The following DIAPH2 variants were observed in gnomAD, a reference collection of about 807,000 sequenced individuals.
DIAPH2 encodes diaphanous related formin 2.
In DIAPH2, 35 loss-of-function variants were observed where a neutral mutation model predicts 92.7. The ratio of observed to expected loss-of-function variants is 0.38; its 90% CI spans 0.29 to 0.50. The LOEUF (loss-of-function observed/expected upper bound fraction) is 0.50, where lower values mean the gene tolerates loss of function less well. Among genes scored for constraint, DIAPH2 ranks in the 20% least tolerant of loss-of-function variants. DIAPH2 has a pLI of 0.94. For missense variants in DIAPH2, 701 were observed against 819.5 expected (o/e 0.86, Z 1.77); for synonymous variants, 301 against 280.4 (o/e 1.07, Z -0.73).
chrX:97,242,026 G>A (rs1602443523), intron 22 of DIAPH2, among the ~76,000 whole-genome samples: 1 of 109,214 alleles, frequency 9.2e-6, no homozygotes, highest in East Asian at 2.9e-4. Flanking sequence ...CGCCCGCCTC[G>A]GCCTCCCAAA....
At chrX:96,786,937 G>A (rs922630230) in intron 4 of DIAPH2, among the ~76,000 whole-genome samples, 2 of 111,904 alleles carry the variant, frequency 1.8e-5, no homozygotes, top group Non-Finnish European at 1.9e-5. Context: ...TATGTACCGT[G>A]ATGTAAACCT....
intron 17 of DIAPH2, among the ~76,000 whole-genome samples, chrX:97,061,360 T>C (rs934446845): frequency 6.2e-5 from 7 of 112,162 alleles, no homozygotes; most frequent in African/African-American, 2.3e-4. Flanking sequence ...TTCTGGACTT[T>C]TATTAGATTG....
In DIAPH2 at chrX:97,137,155, A is replaced by C. The variant is rs189629970; in HGVS notation, c.2590-4510A>C. Among the ~76,000 whole-genome samples, 228 of 106,054 alleles carry C rather than the reference A, an allele frequency of 2.1e-3. 1 individual carries two copies. Among genetic ancestry groups the C allele is most frequent in the African/African-American group, 7.0e-3 (203 of 29,052 alleles). The allele number at this position is 106,054 out of a possible 115,157, so 92.1% of individuals were successfully genotyped here. A position where few individuals can be genotyped will look rare whatever the true frequency, so the allele number is the denominator to read the frequency against. On this transcript the variant is annotated intron_variant, in intron 21 of 26. Transcript: ENST00000324765. ...TACATTTCCTGAGTGACAAATTATA[A>C]CTTTATTCTGGCATTCACTTGCACC...
chrX:97,196,098 A>C (rs1379654027), intron 22 of DIAPH2, among the ~76,000 whole-genome samples: 1 of 111,672 alleles, frequency 9.0e-6, no homozygotes, highest in Non-Finnish European at 1.9e-5. Context: ...TATCTTCAGA[A>C]GCTACTAATT....
intron 17 of DIAPH2, among the ~76,000 whole-genome samples, chrX:96,979,193 G>A (rs937064200): frequency 8.0e-5 from 9 of 111,957 alleles, no homozygotes; most frequent in Admixed American, 3.8e-4. Context: ...GAAACATTTG[G>A]GAGTCATTTA....
intron 22 of DIAPH2, among the ~76,000 whole-genome samples, chrX:97,192,310 A>AG (rs756259895): frequency 6.8e-5 from 7 of 102,976 alleles, no homozygotes; most frequent in Non-Finnish European, 1.1e-4. Flanking sequence ...AAAAAAAAAA[A>AG]AAAAGAAAAG....
intron 5 of DIAPH2, among the ~76,000 whole-genome samples, chrX:96,908,596 T>TTTTG (rs1164351077): frequency 4.5e-5 from 5 of 110,978 alleles, no homozygotes; most frequent in East Asian, 2.8e-4. Flanking sequence ...GATTCCTTTT[T>TTTTG]TTTGTTTGTT....
chrX:97,334,020 C>T (rs889784006), intron 23 of DIAPH2, among the ~76,000 whole-genome samples: 1 of 111,534 alleles, frequency 9.0e-6, no homozygotes, highest in African/African-American at 3.3e-5. Flanking sequence ...TGTTACTCCT[C>T]TGATTAAAAA....
At chrX:96,856,586 T>A (rs200804705) in intron 4 of DIAPH2, among the ~76,000 whole-genome samples, 1 of 105,855 alleles carries the variant, frequency 9.4e-6, no homozygotes, top group Non-Finnish European at 1.9e-5. Flanking sequence ...TATATATATT[T>A]AAAAAAAAAG....
intron 26 of DIAPH2, among the ~76,000 whole-genome samples, chrX:97,487,155 TTACTC>T (rs1270210740): frequency 8.9e-6 from 1 of 112,473 alleles, no homozygotes; most frequent in Non-Finnish European, 1.9e-5. Flanking sequence ...TTTTCTCCAT[TTACTC>T]TATTCATTCA....
At chrX:97,053,994 T>C (rs1396439676) in intron 17 of DIAPH2, among the ~76,000 whole-genome samples, 3 of 111,918 alleles carry the variant, frequency 2.7e-5, no homozygotes, top group African/African-American at 9.7e-5. Flanking sequence ...AAAATCTGTC[T>C]TAGTTTTATC....
In DIAPH2 at chrX:97,297,076, C is replaced by CT. The variant is rs57145821; in HGVS notation, c.2844+49272dup. Reference sequence around the variant, plus strand: ...ACAGGTGTGAGCCACCAGGCCTGGCCTTTTTTTTTTTTTTTTTTTTTTTTT... The same window carrying CT: ...ACAGGTGTGAGCCACCAGGCCTGGCCTTTTTTTTTTTTTTTTTTTTTTTTTT... On this transcript the variant is annotated intron_variant, in intron 23 of 26. Transcript: ENST00000324765. Among the ~76,000 whole-genome samples, 80 of 20,733 alleles carry CT rather than the reference C, an allele frequency of 3.9e-3. 1 individual carries two copies. The highest frequency in any genetic ancestry group is 0.014 in the African/African-American group (75 of 5,243). The allele number at this position is 20,733 out of a possible 115,157, so 18.0% of individuals were successfully genotyped here.
chrX:97,548,490 C>T (rs2071197625), intron 26 of DIAPH2, among the ~76,000 whole-genome samples: 1 of 112,204 alleles, frequency 8.9e-6, no homozygotes, highest in Admixed American at 9.4e-5. Flanking sequence ...AGCCATGTTG[C>T]TTTTCTGAAT....
intron 4 of DIAPH2, among the ~76,000 whole-genome samples, chrX:96,862,524 T>C (rs1336118130): frequency 8.9e-6 from 1 of 111,898 alleles, no homozygotes; most frequent in East Asian, 2.8e-4. Flanking sequence ...TAGACACTCA[T>C]TGGATAATTA....
chrX:96,736,518 T>A (rs1043569496), intron 2 of DIAPH2, among the ~76,000 whole-genome samples: 2 of 111,245 alleles, frequency 1.8e-5, no homozygotes, highest in African/African-American at 6.5e-5. Context: ...GCAATTCCCC[T>A]GCCTCACCCT....
intron 23 of DIAPH2, among the ~76,000 whole-genome samples, chrX:97,274,006 G>GGTGTGTGT (rs55778849): frequency 2.1e-3 from 178 of 86,730 alleles, no homozygotes; most frequent in African/African-American, 6.9e-3. Context: ...TAAAACTAGC[G>GGTGTGTGT]GTGTGTGTGT....
intron 17 of DIAPH2, among the ~76,000 whole-genome samples, chrX:97,020,989 A>G (rs1010765142): frequency 9.0e-6 from 1 of 111,724 alleles, no homozygotes; most frequent in Non-Finnish European, 1.9e-5. Flanking sequence ...ATTATCACCT[A>G]CTGACAAATA....
chrX:97,109,998 CAA>C (rs2066968385), intron 20 of DIAPH2, among the ~76,000 whole-genome samples: 1 of 111,589 alleles, frequency 9.0e-6, no homozygotes, highest in South Asian at 3.8e-4. Context: ...ACTGGTTCAA[CAA>C]AGTTAATTCC....
intron 25 of DIAPH2, among the ~76,000 whole-genome samples, chrX:97,413,978 C>A (rs372024391): frequency 1.8e-5 from 2 of 111,944 alleles, no homozygotes; most frequent in East Asian, 5.6e-4. Context: ...CCATACTGCC[C>A]AAGGTAATTT....
Sources: allele counts gnomAD v4.1 joint callset (sites outside exome capture counted in the v4.1 genomes callset), GRCh38; gene constraint gnomAD v4.1.1; transcripts MANE v1.5; gene names NCBI Gene and HGNC (gene_info 2026-07-23, HGNC 2026-07-21).